LRP1B: variants seen among roughly 807,000 people sequenced by gnomAD.
The protein encoded by LRP1B is LDL receptor related protein 1B.
LRP1B carries 217 observed loss-of-function variants against 556.6 expected under a neutral mutation model. That is an observed-to-expected ratio of 0.39 (90% CI 0.35 to 0.44). The LOEUF is 0.44. LRP1B is among the 20% of genes least tolerant of loss of function. The pLI, the probability that LRP1B is intolerant of heterozygous loss-of-function variation, is 1.00. For missense variants in LRP1B, 5,053 were observed against 5,620.8 expected (o/e 0.90, Z 3.23); for synonymous variants, 2,047 against 1,865.8 (o/e 1.10, Z -2.50).
intron 1 of LRP1B, among the ~76,000 whole-genome samples, chr2:141,816,791 A>ATT (rs1320327998): frequency 1.4e-5 from 2 of 147,186 alleles, no homozygotes; most frequent in African/African-American, 5.0e-5. Flanking sequence ...CAAAAATGAC[A>ATT]TTTTTTTTTT....
chr2:140,949,871 G>A (rs1444850957), intron 20 of LRP1B, among the ~76,000 whole-genome samples: 1 of 129,908 alleles, frequency 7.7e-6, no homozygotes, highest in South Asian at 2.4e-4. Context: ...CCCGGGAGGC[G>A]GAGCTTGCAG....
chr2:140,481,737 C>CAG (rs1688256140), intron 59 of LRP1B, among the ~76,000 whole-genome samples: 1 of 151,850 alleles, frequency 6.6e-6, no homozygotes. Context: ...TTGCCAAAGA[C>CAG]AGAAGCCTTG....
At chr2:141,108,341 T>TGA (rs1700660817) in intron 7 of LRP1B, among the ~76,000 whole-genome samples, 1 of 112,868 alleles carries the variant, frequency 8.9e-6, no homozygotes, top group Non-Finnish European at 1.9e-5. Context: ...TTTCTTTTTT[T>TGA]TTTTTTTTTT....
intron 2 of LRP1B, among the ~76,000 whole-genome samples, chr2:141,550,507 T>C (rs971045586): frequency 9.2e-5 from 14 of 152,288 alleles, no homozygotes; most frequent in Non-Finnish European, 1.8e-4. Context: ...AGAGTGCTTC[T>C]CAAAAAGTAC....
intron 15 of LRP1B, among the ~76,000 whole-genome samples, chr2:141,000,828 A>G (rs1697397672): frequency 1.3e-5 from 2 of 151,930 alleles, no homozygotes; most frequent in Admixed American, 6.6e-5. Context: ...GCTCACTTTC[A>G]TATTGATAGT....
chr2:140,872,738 C>T (rs990850361), intron 25 of LRP1B, among the ~76,000 whole-genome samples: 7 of 151,700 alleles, frequency 4.6e-5, no homozygotes, highest in Non-Finnish European at 1.0e-4. Flanking sequence ...GTAAATTTTG[C>T]TATTTGATTT....
chr2:140,403,451 G>A (rs1475156136), intron 66 of LRP1B, among the ~76,000 whole-genome samples: 1 of 152,076 alleles, frequency 6.6e-6, no homozygotes, highest in Non-Finnish European at 1.5e-5. Context: ...TTCTGGAAAT[G>A]AAAGACACAC....
At chr2:141,161,199 TG>T (rs1389477264) in intron 7 of LRP1B, among the ~76,000 whole-genome samples, 33 of 152,172 alleles carry the variant, frequency 2.2e-4, no homozygotes, top group Non-Finnish European at 4.6e-4. Context: ...CCAATTTAAC[TG>T]TTAACCGTTT....
chr2:140,256,456 T>C (rs1236640173), intron 86 of LRP1B, among the ~76,000 whole-genome samples: 6 of 29,502 alleles, frequency 2.0e-4, no homozygotes, highest in African/African-American at 1.3e-3. Context: ...TTCCTTTTTT[T>C]TTTTTTTTTT....
At chr2:141,931,158 A>T (rs369066497) in intron 1 of LRP1B, among the ~76,000 whole-genome samples, 79 of 152,154 alleles carry the variant, frequency 5.2e-4, no homozygotes, top group Middle Eastern at 3.4e-3. Context: ...GCTATGACTA[A>T]TTGAAAGAAT....
chr2:140,857,328 C>G (rs577181590), intron 27 of LRP1B, among the ~76,000 whole-genome samples: 1 of 152,110 alleles, frequency 6.6e-6, no homozygotes, highest in African/African-American at 2.4e-5. Flanking sequence ...TGTTAATGAA[C>G]CTTATTTGTA....
chr2:141,085,673 G>A (rs906163980), intron 7 of LRP1B, among the ~76,000 whole-genome samples: 2 of 152,194 alleles, frequency 1.3e-5, no homozygotes, highest in African/African-American at 2.4e-5. Context: ...GTGGTATTCT[G>A]TTATGGCAGA....
chr2:140,319,060 C>T (rs995160083), intron 82 of LRP1B, among the ~76,000 whole-genome samples: 1 of 152,084 alleles, frequency 6.6e-6, no homozygotes, highest in Admixed American at 6.6e-5. Flanking sequence ...TCGGCCTAAT[C>T]TAAAGCTTCA....
intron 49 of LRP1B, among the ~76,000 whole-genome samples, chr2:140,521,628 T>C (rs925825216): frequency 8.6e-5 from 13 of 152,030 alleles, no homozygotes; most frequent in African/African-American, 3.1e-4. Flanking sequence ...ACTACACAAA[T>C]GACACTAAAA....
At chr2:140,551,391 A>G (rs1452118953) in intron 43 of LRP1B, among the ~76,000 whole-genome samples, 1 of 152,150 alleles carries the variant, frequency 6.6e-6, no homozygotes, top group East Asian at 1.9e-4. Flanking sequence ...TATTTGGTGC[A>G]AAATCCAACA....
In LRP1B at chr2:141,015,649, G is replaced by GA. The variant is rs757088005; in HGVS notation, c.2190+46dup. 2.0e-5 allele frequency: 29 copies of GA among 1,420,614 alleles called. No homozygotes were observed. The South Asian group carries it at 3.2e-4, about 16-fold the overall frequency. The allele number at this position is 1,420,614 out of a possible 1,614,324, so 88.0% of individuals were successfully genotyped here. Reference sequence around the variant, plus strand: ...TTAACACAACACAACAAGGCTCTGTGAAAAAAAGAAGCCTGTGGGTTAAAA... The same window carrying GA: ...TTAACACAACACAACAAGGCTCTGTGAAAAAAAAGAAGCCTGTGGGTTAAAA... On this transcript the variant is annotated intron_variant, in intron 13 of 90. Transcript: ENST00000389484.
intron 41 of LRP1B, among the ~76,000 whole-genome samples, chr2:140,660,322 A>G (rs1422432613): frequency 6.6e-6 from 1 of 151,826 alleles, no homozygotes; most frequent in Non-Finnish European, 1.5e-5. Flanking sequence ...TTATATGTCA[A>G]TTTTTATTGT....
intron 1 of LRP1B, among the ~76,000 whole-genome samples, chr2:142,069,925 A>G (rs1411713279): frequency 1.3e-5 from 2 of 151,786 alleles, no homozygotes; most frequent in East Asian, 3.9e-4. Context: ...TCTAACAAGG[A>G]TTTTTATGAC....
chr2:140,583,979 G>C (rs1681883642), intron 43 of LRP1B, among the ~76,000 whole-genome samples: 1 of 152,082 alleles, frequency 6.6e-6, no homozygotes, highest in Non-Finnish European at 1.5e-5. Flanking sequence ...TTTAGCTGTA[G>C]TCATACAATA....
Sources: allele counts gnomAD v4.1 joint callset (sites outside exome capture counted in the v4.1 genomes callset), GRCh38; gene constraint gnomAD v4.1.1; transcripts MANE v1.5; gene names NCBI Gene and HGNC (gene_info 2026-07-23, HGNC 2026-07-21).